The following CDH18 variants were observed in gnomAD, a reference collection of about 807,000 sequenced individuals.
CDH18 encodes cadherin 18.
A neutral mutation model predicts 67.9 loss-of-function variants in CDH18; 31 were observed. The ratio of observed to expected loss-of-function variants is 0.46; its 90% CI spans 0.34 to 0.62. The LOEUF (loss-of-function observed/expected upper bound fraction) is 0.62. Among genes scored for constraint, CDH18 ranks in the 20% least tolerant of loss-of-function variants. The pLI is 0.01. For missense variants in CDH18, 890 were observed against 975.5 expected, an observed-to-expected ratio of 0.91 and a Z score of 1.17; for synonymous variants, 362 against 347.2, an observed-to-expected ratio of 1.04 and a Z score of -0.48.
chr5:19,624,089 ACT>A (rs1308630293), intron 5 of CDH18, among the ~76,000 whole-genome samples: 3 of 150,902 alleles, frequency 2.0e-5, no homozygotes, highest in African/African-American at 4.9e-5. Flanking sequence ...CTCACTGCAA[ACT>A]CTGTCTGCTG....
At chr5:20,504,929 G>A (rs746766413) in intron 1 of CDH18, among the ~76,000 whole-genome samples, 7 of 151,718 alleles carry the variant, frequency 4.6e-5, no homozygotes, top group Admixed American at 6.6e-5. Flanking sequence ...CACCACGCCC[G>A]GCTAATTTTT....
At chr5:20,240,884 A>C (rs900662976) in intron 2 of CDH18, among the ~76,000 whole-genome samples, 2 of 152,342 alleles carry the variant, frequency 1.3e-5, no homozygotes, top group Middle Eastern at 3.4e-3. Context: ...TAGGAAGAGA[A>C]ATGTATTCTG....
chr5:20,552,912 G>C (rs1192131291), intron 1 of CDH18, among the ~76,000 whole-genome samples: 1 of 151,916 alleles, frequency 6.6e-6, no homozygotes, highest in Non-Finnish European at 1.5e-5. Context: ...GCTCCATCAT[G>C]CACGGCTAAT....
intron 1 of CDH18, among the ~76,000 whole-genome samples, chr5:20,318,928 T>G (rs1012303447): frequency 9.9e-5 from 15 of 152,216 alleles, no homozygotes; most frequent in Admixed American, 3.9e-4. Context: ...CATCAGATTT[T>G]CTGTCTATTT....
At chr5:20,454,899 G>T (rs1174894471) in intron 1 of CDH18, among the ~76,000 whole-genome samples, 1 of 152,046 alleles carries the variant, frequency 6.6e-6, no homozygotes, top group East Asian at 1.9e-4. Context: ...AAGGGGTTAT[G>T]TCCTCCCTCC....
At chr5:19,943,339 A>C (rs1795003182) in intron 2 of CDH18, among the ~76,000 whole-genome samples, 1 of 152,106 alleles carries the variant, frequency 6.6e-6, no homozygotes, top group Non-Finnish European at 1.5e-5. Context: ...TATCTATCTA[A>C]GTAATTCAGT....
chr5:19,714,054 C>T (rs373211891), intron 5 of CDH18, among the ~76,000 whole-genome samples: 2 of 152,120 alleles, frequency 1.3e-5, no homozygotes, highest in African/African-American at 4.8e-5. Flanking sequence ...ATAACATAAT[C>T]GGAGTGACTT....
intron 5 of CDH18, among the ~76,000 whole-genome samples, chr5:19,652,844 T>G (rs11740264): frequency 0.35 from 53,802 of 151,962 alleles, 11,526 homozygotes; most frequent in Middle Eastern, 0.56. Flanking sequence ...ATTAAGATTA[T>G]AAATAAACGT....
At chr5:20,275,932 C>T (rs1353132702) in intron 1 of CDH18, among the ~76,000 whole-genome samples, 1 of 152,136 alleles carries the variant, frequency 6.6e-6, no homozygotes, top group Non-Finnish European at 1.5e-5. Flanking sequence ...TGCTCTATCA[C>T]AGTGAGTGGC....
intron 1 of CDH18, among the ~76,000 whole-genome samples, chr5:20,384,782 A>G (rs1311569926): frequency 1.3e-5 from 2 of 152,184 alleles, no homozygotes; most frequent in African/African-American, 2.4e-5. Flanking sequence ...GAAGTTGCAG[A>G]TATTTTAATA....
At chr5:19,964,989 T>A (rs2150316247) in intron 2 of CDH18, among the ~76,000 whole-genome samples, 1 of 152,302 alleles carries the variant, frequency 6.6e-6, no homozygotes, top group African/African-American at 2.4e-5. Flanking sequence ...GTGCAAAATT[T>A]GTTCAAAATC....
At chr5:20,102,414 C>T (rs1746552565) in intron 2 of CDH18, among the ~76,000 whole-genome samples, 1 of 152,126 alleles carries the variant, frequency 6.6e-6, no homozygotes, top group African/African-American at 2.4e-5. Flanking sequence ...CAATGGATGG[C>T]TTCCGCAAAT....
rs533826541 is a variant in CDH18 at position 20,000,767 on chromosome 5, G to A, written c.-517-8753C>T. 2.0e-5 allele frequency among the ~76,000 whole-genome samples: 3 copies of A among 151,904 alleles called. No individual in the cohort carries two copies. In the East Asian group the frequency reaches 5.8e-4, roughly 29 times the overall value. On this transcript the variant is annotated intron_variant, in intron 2 of 14. Coordinates refer to the CDH18 transcript ENST00000507958. ...AGTGATAGAACTAGCAAGATGATGAGAGAAAGAAAGAGCAGGTGAAATATG... is the reference window on the plus strand; with the variant it reads ...AGTGATAGAACTAGCAAGATGATGAAAGAAAGAAAGAGCAGGTGAAATATG...
chr5:20,260,622 T>C (rs945543110), intron 1 of CDH18, among the ~76,000 whole-genome samples: 1 of 152,178 alleles, frequency 6.6e-6, no homozygotes, highest in African/African-American at 2.4e-5. Flanking sequence ...GTACAGGTAC[T>C]GTGTAATCAT....
chr5:20,453,317 T>A (rs931840378), intron 1 of CDH18, among the ~76,000 whole-genome samples: 1 of 152,190 alleles, frequency 6.6e-6, no homozygotes, highest in East Asian at 1.9e-4. Flanking sequence ...TGATGTAATA[T>A]GAGCATTTTA....
chr5:20,553,850 C>G (rs1398762872), intron 1 of CDH18, among the ~76,000 whole-genome samples: 1 of 151,616 alleles, frequency 6.6e-6, no homozygotes, highest in Non-Finnish European at 1.5e-5. Flanking sequence ...TTCTCTAGAC[C>G]ACAAAAAAAA....
At chr5:19,848,518 T>C (rs1433338960) in intron 2 of CDH18, among the ~76,000 whole-genome samples, 1 of 152,128 alleles carries the variant, frequency 6.6e-6, no homozygotes, top group African/African-American at 2.4e-5. Context: ...CTCCATGGGA[T>C]GTAAGAAGAG....
At chr5:19,942,785 A>C (rs930756560) in intron 2 of CDH18, among the ~76,000 whole-genome samples, 2 of 152,182 alleles carry the variant, frequency 1.3e-5, no homozygotes, top group Non-Finnish European at 1.5e-5. Context: ...TCAAGGTGGA[A>C]GTATGAGGCA....
rs183742434 is a variant in CDH18, at chr5:19,967,924, T to C, written c.-257+13136A>G. 5.6e-3 allele frequency among the ~76,000 whole-genome samples: 858 copies of C among 152,140 alleles called. 8 individuals are homozygous for C. Among genetic ancestry groups the C allele is most frequent in the African/African-American group, 0.019 (799 of 41,468 alleles). On this transcript the variant is annotated intron_variant, in intron 2 of 12. Transcript: ENST00000382275. The stretch of plus-strand genomic sequence containing the variant: ...TTGTCCCTGTCTGCAGATGACATGA[T>C]TGTATATCTAGAAAACCCCATTGTC...
Sources: gnomAD v4.1 joint callset for allele counts (sites outside exome capture counted in the v4.1 genomes callset) on GRCh38, gnomAD v4.1.1 for gene constraint, MANE v1.5 for transcripts, NCBI Gene and HGNC (gene_info 2026-07-23, HGNC 2026-07-21) for gene names.